Variants in TBC1D1 observed in about 807,000 individuals in gnomAD.
TBC1D1 encodes the protein TBC1 domain family member 1.
Under a neutral mutation model 125.6 loss-of-function variants are expected in TBC1D1, and 89 were observed. The observed-to-expected ratio is 0.71, with a 90% confidence interval of 0.60 to 0.85. The LOEUF is 0.85. Ranked by LOEUF, TBC1D1 falls within the 40% of genes least tolerant of loss-of-function variation. The pLI is 0.00. For missense variants in TBC1D1, 1,377 were observed against 1,469.2 expected (o/e 0.94, Z 1.03); for synonymous variants, 565 against 564.1 (o/e 1.00, Z -0.02).
rs180726064 is a variant in TBC1D1 at position 38,050,948 on chromosome 4, T to C, written c.1910+1050T>C. On this transcript the variant is annotated intron_variant, in intron 11 of 19. Coordinates refer to ENST00000261439, the MANE Select transcript of TBC1D1 (RefSeq NM_015173.4). The stretch of plus-strand genomic sequence containing the variant: ...AGGGGACATGTCAGAAGGTACTGCT[T>C]AATAAATACACGCTTTTAGAGACAC... 8.5e-5 allele frequency among the ~76,000 whole-genome samples: 13 copies of C among 152,344 alleles called. No individual in the cohort carries two copies. In the East Asian group the frequency reaches 2.5e-3, roughly 29 times the overall value.
intron 2 of TBC1D1, among the ~76,000 whole-genome samples, chr4:37,955,398 C>T (rs1728735048): frequency 6.6e-6 from 1 of 152,176 alleles, no homozygotes; most frequent in East Asian, 1.9e-4. Flanking sequence ...TCCATGGATG[C>T]TCAAACCCCC....
intron 19 of TBC1D1, among the ~76,000 whole-genome samples, chr4:38,136,245 A>G (rs1341218977): frequency 6.6e-6 from 1 of 152,196 alleles, no homozygotes; most frequent in Non-Finnish European, 1.5e-5. Flanking sequence ...TGGAAGTTCT[A>G]TTTAACTAGC....
intron 2 of TBC1D1, among the ~76,000 whole-genome samples, chr4:37,916,073 T>A (rs1279531770): frequency 6.6e-6 from 1 of 152,226 alleles, no homozygotes; most frequent in Non-Finnish European, 1.5e-5. Flanking sequence ...CATCTTTTTA[T>A]TCTGAAATGC....
Position 38,074,727 on chromosome 4 carries a change from C to T in TBC1D1, c.2051-15205C>T, listed in dbSNP as rs576613073. Reference sequence around the variant, plus strand: ...TGTGTGTGCTGGGATTTGCCATATTCAGTTATGGTCAGTAGAGACTTTCTT... The same window carrying T: ...TGTGTGTGCTGGGATTTGCCATATTTAGTTATGGTCAGTAGAGACTTTCTT... On this transcript the variant is annotated intron_variant, in intron 12 of 19. Coordinates refer to ENST00000261439, the MANE Select transcript of TBC1D1 (RefSeq NM_015173.4). Among the ~76,000 whole-genome samples the T allele has an allele frequency of 2.0e-5, 3 of 151,364 alleles. No individual in the cohort carries two copies. The South Asian group carries it at 6.2e-4, about 32-fold the overall frequency.
intron 2 of TBC1D1, among the ~76,000 whole-genome samples, chr4:37,978,379 C>T (rs574945096): frequency 6.6e-6 from 1 of 152,242 alleles, no homozygotes; most frequent in East Asian, 1.9e-4. Flanking sequence ...CCGGCGCCTT[C>T]CCAGGGCTTG....
chr4:38,070,038 G>A (rs1332106113), intron 12 of TBC1D1, among the ~76,000 whole-genome samples: 1 of 152,096 alleles, frequency 6.6e-6, no homozygotes, highest in Admixed American at 6.5e-5. Flanking sequence ...GAGCTGGAGG[G>A]GGAGGGCATA....
intron 12 of TBC1D1, among the ~76,000 whole-genome samples, chr4:38,086,700 T>A (rs538532334): frequency 6.6e-6 from 1 of 152,312 alleles, no homozygotes; most frequent in East Asian, 1.9e-4. Flanking sequence ...TGAGCCGACG[T>A]GCTAGCAAGC....
At chr4:37,992,929 C>T (rs1179103940) in intron 2 of TBC1D1, among the ~76,000 whole-genome samples, 4 of 151,762 alleles carry the variant, frequency 2.6e-5, no homozygotes, top group Non-Finnish European at 4.4e-5. Context: ...CTTGGCCTCC[C>T]GAGTAGCCAG....
chr4:38,115,298 C>T (rs940715261), intron 15 of TBC1D1, among the ~76,000 whole-genome samples: 13 of 151,936 alleles, frequency 8.6e-5, no homozygotes, highest in Admixed American at 1.3e-4. Context: ...GATGGGGTTT[C>T]GCCATGTTGG....
chr4:38,010,126 T>C (rs1741159669), intron 2 of TBC1D1, among the ~76,000 whole-genome samples: 1 of 152,242 alleles, frequency 6.6e-6, no homozygotes, highest in South Asian at 2.1e-4. Flanking sequence ...TTAGACTAAA[T>C]AAAGTTTTAC....
chr4:38,053,008 T>G lies in TBC1D1; in HGVS notation c.1911-1191T>G. ...CTTACCTAGTTTTCTTTTCTTAGCA[T>G]TAGAACAAAAATGTTTCTTTTATTT... On this transcript the variant is annotated intron_variant, in intron 11 of 19. Coordinates refer to ENST00000261439, the MANE Select transcript of TBC1D1 (RefSeq NM_015173.4). The G allele has an allele frequency of 1.1e-6, 1 of 917,944 alleles. No individual in the cohort carries two copies. The highest frequency in any genetic ancestry group is 1.5e-6 in the Non-Finnish European group (1 of 688,090). 56.9% of individuals were successfully genotyped at this position (917,944 alleles called of 1,614,324 possible). A position where few individuals can be genotyped will look rare whatever the true frequency, so the allele number is the denominator to read the frequency against.
chr4:38,061,570 A>C (rs181087777), intron 12 of TBC1D1, among the ~76,000 whole-genome samples: 6 of 152,288 alleles, frequency 3.9e-5, no homozygotes, highest in Admixed American at 3.9e-4. Context: ...ATGTCTTGTA[A>C]AAAAAAGCCT....
In TBC1D1 at chr4:38,137,825, A is replaced by G. The variant is rs1373999016; in HGVS notation, c.*490A>G. On this transcript the variant is annotated 3_prime_UTR_variant, in exon 20 of 20. Transcript: ENST00000261439. ...TCGCCCATTCTTGTTATGGAAACCT[A>G]AGATGATCATTGGGAAGATCAGTGA... 6.5e-6 allele frequency: 1 copy of G among 153,220 alleles called. No individual in the cohort carries two copies. The highest frequency in any genetic ancestry group is 1.5e-5 in the Non-Finnish European group (1 of 68,504). The allele number at this position is 153,220 out of a possible 1,614,324, so 9.5% of individuals were successfully genotyped here. A position where few individuals can be genotyped will look rare whatever the true frequency, so the allele number is the denominator to read the frequency against.
chr4:37,905,563 G>A (rs1717135938), intron 2 of TBC1D1, among the ~76,000 whole-genome samples: 1 of 152,186 alleles, frequency 6.6e-6, no homozygotes, highest in Non-Finnish European at 1.5e-5. Flanking sequence ...ACATTGTCAT[G>A]GTGGACAAGG....
chr4:37,905,004 AACTGCATT>A (rs1717004611), intron 2 of TBC1D1, among the ~76,000 whole-genome samples: 1 of 152,230 alleles, frequency 6.6e-6, no homozygotes, highest in Non-Finnish European at 1.5e-5. Flanking sequence ...GGTCAGCACT[AACTGCATT>A]TGCCAGAGAA....
chr4:38,073,398 A>G (rs1755039058), intron 12 of TBC1D1, among the ~76,000 whole-genome samples: 1 of 152,226 alleles, frequency 6.6e-6, no homozygotes. Flanking sequence ...GTAAGTTTTT[A>G]TTATAAAATA....
chr4:37,948,557 G>A (rs1442523062), intron 2 of TBC1D1, among the ~76,000 whole-genome samples: 2 of 151,236 alleles, frequency 1.3e-5, no homozygotes, highest in Non-Finnish European at 3.0e-5. Flanking sequence ...AACCTGGGAG[G>A]TGGGGGTTGC....
At chr4:37,964,634 G>A in intron 2 of TBC1D1, among the ~76,000 whole-genome samples, 1 of 152,240 alleles carries the variant, frequency 6.6e-6, no homozygotes, top group East Asian at 1.9e-4. Flanking sequence ...AGCGTAGCCT[G>A]GATGGGGACA....
intron 18 of TBC1D1, among the ~76,000 whole-genome samples, chr4:38,127,880 A>C (rs1191551241): frequency 6.6e-6 from 1 of 152,120 alleles, no homozygotes; most frequent in Non-Finnish European, 1.5e-5. Flanking sequence ...GACATTTTCC[A>C]AAGAAGGCCA....
Sources: gnomAD v4.1 joint callset for allele counts (sites outside exome capture counted in the v4.1 genomes callset) on GRCh38, gnomAD v4.1.1 for gene constraint, MANE v1.5 for transcripts, NCBI Gene and HGNC (gene_info 2026-07-23, HGNC 2026-07-21) for gene names.